Variants in LOX observed in about 807,000 individuals in gnomAD.
The protein encoded by LOX is protein-lysine 6-oxidase.
In LOX, 12 loss-of-function variants were observed where a neutral mutation model predicts 50.5. That is an observed-to-expected ratio of 0.24 (90% CI 0.15 to 0.38). LOX has a LOEUF of 0.38. LOX is among the 10% of genes least tolerant of loss of function. The probability of loss-of-function intolerance (pLI) is 1.00; values close to 1 mark genes in which losing one functional copy is unlikely to be tolerated. For synonymous variants in LOX, 254 were observed against 230.6 expected (o/e 1.10, Z -0.92); for missense variants, 504 against 563.8 (o/e 0.89, Z 1.07).
chr5:122,077,055 T>A lies in LOX; in HGVS notation c.632-54A>T. The A allele has an allele frequency of 6.2e-7, 1 of 1,600,936 alleles. No homozygotes were observed. Among genetic ancestry groups the A allele is most frequent in the South Asian group, 1.1e-5 (1 of 90,520 alleles). ...AGTGAAACAACCCGGCGCCCCCCGC[T>A]CCAACTCCCTACCCCTCTAGGTCCC... is the stretch of plus-strand genomic sequence containing the variant. On this transcript the variant is annotated intron_variant, in intron 1 of 6. Coordinates refer to ENST00000231004, the MANE Select transcript of LOX (RefSeq NM_002317.7). The surrounding 1 kb of genome is among the most constrained non-coding windows in gnomAD (Gnocchi z 4.9).
At position 122,066,472 on chromosome 5, in the gene LOX, A is replaced by G; in HGVS notation, c.*271T>C. 2.7e-6 allele frequency: 1 copy of G among 363,856 alleles called. No homozygotes were observed. Among genetic ancestry groups the G allele is most frequent in the South Asian group, 9.0e-5 (1 of 11,058 alleles). The allele number at this position is 363,856 out of a possible 1,614,324, so 22.5% of individuals were successfully genotyped here. A position where few individuals can be genotyped will look rare whatever the true frequency, so the allele number is the denominator to read the frequency against. On this transcript the variant is annotated 3_prime_UTR_variant, in exon 7 of 7. Transcript: ENST00000231004. ...ACATGAGAAATTTGGATTTCTTTGA[A>G]AGAGTCAAATATGTAATTACAGAAT...
At chr5:122,073,762 G>T (rs1311803047) in intron 4 of LOX, among the ~76,000 whole-genome samples, 1 of 152,116 alleles carries the variant, frequency 6.6e-6, no homozygotes, top group Non-Finnish European at 1.5e-5. Flanking sequence ...GCCATCATTT[G>T]CCTTTTCCCA....
rs1225842757 is a variant in LOX at position 122,075,552 on chromosome 5, G to GA, written c.741-12dup. On this transcript the variant is annotated splice_polypyrimidine_tract_variant and intron_variant, in intron 2 of 6. Coordinates refer to ENST00000231004, the MANE Select transcript of LOX (RefSeq NM_002317.7). ...GCCCTGTATGCTGTACTGTGATTTT[G>GA]AAAAAAGAAAAATTATTATATTCAT... 1 of 1,524,652 alleles carries GA rather than the reference G, an allele frequency of 6.6e-7. No homozygotes were observed. The highest frequency in any genetic ancestry group is 1.4e-5 in the African/African-American group (1 of 71,290). 94.4% of individuals were successfully genotyped at this position (1,524,652 alleles called of 1,614,324 possible).
intron 4 of LOX, among the ~76,000 whole-genome samples, chr5:122,072,979 CCT>C (rs1266018820): frequency 1.3e-5 from 2 of 152,188 alleles, no homozygotes; most frequent in Non-Finnish European, 1.5e-5. Context: ...AGTTACATCT[CCT>C]CTTTCTTAAG....
At chr5:122,067,975 G>A (rs1754343810) in intron 6 of LOX, among the ~76,000 whole-genome samples, 1 of 152,008 alleles carries the variant, frequency 6.6e-6, no homozygotes, top group Non-Finnish European at 1.5e-5. Flanking sequence ...TAAGAAGCAA[G>A]TATTACTATC....
rs955353287 is a variant in LOX, at chr5:122,064,344, G to A, written c.*2399C>T. 1.3e-4 allele frequency: 20 copies of A among 151,784 alleles called. No homozygotes were observed. The highest frequency in any genetic ancestry group is 4.8e-4 in the African/African-American group (20 of 41,378). 9.4% of individuals were successfully genotyped at this position (151,784 alleles called of 1,614,324 possible). On this transcript the variant is annotated 3_prime_UTR_variant, in exon 7 of 7. Transcript: ENST00000231004. ...TCAAAGAAGTTCAGTAATACAGAGT[G>A]TTAAATCAGTACTTGTGAGTTATTT...
chr5:122,076,676 T>A lies in LOX; in HGVS notation c.740+217A>T, dbSNP rs76853106. On this transcript the variant is annotated intron_variant, in intron 2 of 6. Transcript: ENST00000231004. ...AGGATAAGGGTTTCCTCCACCTCTG[T>A]GATTCCTGCTGCACTTTGAGACAGA... 5.0e-3 allele frequency among the ~76,000 whole-genome samples: 754 copies of A among 152,224 alleles called. 18 individuals are homozygous for A. Among genetic ancestry groups the A allele is most frequent in the East Asian group, 0.048 (249 of 5,176 alleles).
rs1754281312 is a variant in LOX, at chr5:122,065,747, G to GTTTTTCAATT, written c.*986_*995dup. On this transcript the variant is annotated 3_prime_UTR_variant, in exon 7 of 7. Transcript: ENST00000231004. Reference sequence around the variant, plus strand: ...TAGAAAACTTGAAAAATCCTAAAATGTTTTTCAATTTTTTTAAGCTATTTG... The same window carrying GTTTTTCAATT: ...TAGAAAACTTGAAAAATCCTAAAATGTTTTTCAATTTTTTTCAATTTTTTTAAGCTATTTG... 2 of 151,976 alleles carry GTTTTTCAATT rather than the reference G, an allele frequency of 1.3e-5. 1 individual carries two copies. The highest frequency in any genetic ancestry group is 2.9e-5 in the Non-Finnish European group (2 of 67,948). The allele number at this position is 151,976 out of a possible 1,614,324, so 9.4% of individuals were successfully genotyped here. A position where few individuals can be genotyped will look rare whatever the true frequency, so the allele number is the denominator to read the frequency against.
rs764097068 is a variant in LOX at position 122,075,591 on chromosome 5, A to G, written c.741-50T>C. 7.2e-6 allele frequency: 9 copies of G among 1,245,674 alleles called. No homozygotes were observed. In the African/African-American group the frequency reaches 9.0e-5, roughly 13 times the overall value. 77.2% of individuals were successfully genotyped at this position (1,245,674 alleles called of 1,614,324 possible). A position where few individuals can be genotyped will look rare whatever the true frequency, so the allele number is the denominator to read the frequency against. ...TATTATATTCATGGAATATTAACTA[A>G]AGACAAAACTACAAATAAAACATCC... is the stretch of plus-strand genomic sequence containing the variant. On this transcript the variant is annotated intron_variant, in intron 2 of 6. Coordinates refer to ENST00000231004, the MANE Select transcript of LOX (RefSeq NM_002317.7).
At chr5:122,074,252 T>C in intron 3 of LOX, 83 bp from the exon 4 acceptor site, 1 of 1,201,986 alleles carries the variant, frequency 8.3e-7, no homozygotes, top group Non-Finnish European at 1.2e-6. Context: ...CCCCCATGGC[T>C]TCACAAATTT....
At chr5:122,067,074 T>C (rs936155368) in intron 6 of LOX, among the ~76,000 whole-genome samples, 4 of 152,078 alleles carry the variant, frequency 2.6e-5, no homozygotes, top group African/African-American at 7.2e-5. Context: ...GGAACAAGGG[T>C]GGCATGTCCA....
chr5:122,077,808 G>A lies in LOX; in HGVS notation c.178C>T (p.Leu60=). The A allele has an allele frequency of 5.2e-6, 8 of 1,550,360 alleles. No homozygotes were observed. The highest frequency in any genetic ancestry group is 6.1e-6 in the Non-Finnish European group (7 of 1,153,000). ...CGCTGAGGCTGGTACTGTGAGCCCA[G>A]GCTCAGCAAGCTGAACACCTGCCCG... ...NNGQVFSLLS[L]GSQYQPQRRR... The change falls in exon 1 of 7, where the codon CTG becomes TTG. Residue 60 remains leucine (L), a synonymous_variant. Transcript: ENST00000231004. This position sits in a 1 kb window ranked among gnomAD's most constrained non-coding sequence, Gnocchi z 4.9.
rs1292090071 is a variant in LOX, at chr5:122,065,408, G to A, written c.*1335C>T. The A allele has an allele frequency of 1.3e-5, 2 of 152,078 alleles. No individual in the cohort carries two copies. The highest frequency in any genetic ancestry group is 2.9e-5 in the Non-Finnish European group (2 of 68,002). The allele number at this position is 152,078 out of a possible 1,614,324, so 9.4% of individuals were successfully genotyped here. ...GCTTAAGCACCACTAACTTAAAAGT[G>A]TAATTTCATTTTCTTGAATTTAGGT... On this transcript the variant is annotated 3_prime_UTR_variant, in exon 7 of 7. Coordinates refer to ENST00000231004, the MANE Select transcript of LOX (RefSeq NM_002317.7).
intron 6 of LOX, among the ~76,000 whole-genome samples, chr5:122,068,174 T>TAAAAAAAAAAAAAAAAAAAAAAAA (rs10650287): frequency 8.6e-6 from 1 of 115,908 alleles, no homozygotes; most frequent in South Asian, 3.0e-4. Context: ...TAATAACTAG[T>TAAAAAAAAAAAAAAAAAAAAAAAA]AAAAAAAAAA....
chr5:122,076,442 G>A (rs953328267), intron 2 of LOX, among the ~76,000 whole-genome samples: 1 of 152,138 alleles, frequency 6.6e-6, no homozygotes, highest in Non-Finnish European at 1.5e-5. Flanking sequence ...CAAGTTCATC[G>A]TGGTCTCAAA....
At position 122,077,716 on chromosome 5, in the gene LOX, C is replaced by G; in HGVS notation, c.270G>C (p.Pro90=). The G allele has an allele frequency of 6.3e-7, 1 of 1,587,646 alleles. No individual in the cohort carries two copies. Residue 90 remains proline (P), a synonymous_variant, in exon 1 of 7, where the codon CCG becomes CCC. Coordinates refer to ENST00000231004, the MANE Select transcript of LOX (RefSeq NM_002317.7). The surrounding 1 kb of genome is among the most constrained non-coding windows in gnomAD (Gnocchi z 4.9). ...ANASAQQPRT[P]ILLIRDNRTA... is the part of the protein sequence containing the mutation. ...TGCGGTTGTCGCGGATCAGCAGGAT[C>G]GGAGTGCGGGGCTGCTGGGCGGAGG...
In LOX at chr5:122,070,523, C is replaced by T. The variant is rs775459586; in HGVS notation, c.1102G>A (p.Asp368Asn). ...DIDCQWIDIT[D>N]VKPGNYILKV... ...AGGATATAGTTTCCAGGTTTTACATCTGTAATATCAATCCACTGGCAGTCT... is the reference window on the plus strand; with the variant it reads ...AGGATATAGTTTCCAGGTTTTACATTTGTAATATCAATCCACTGGCAGTCT... Residue 368 changes from aspartate to asparagine, a missense_variant, in exon 5 of 7, where the codon GAT becomes AAT. Around this residue, in one of 2 missense-constraint regions of LOX, gnomAD observed 106 missense variants for 198.1 expected, o/e 0.54. Transcript: ENST00000231004. 28 of 1,607,036 alleles carry T rather than the reference C, an allele frequency of 1.7e-5. No homozygotes were observed. The highest frequency in any genetic ancestry group is 2.7e-5 in the African/African-American group (2 of 74,698).
At chr5:122,072,780 T>C (rs1163143002) in intron 4 of LOX, among the ~76,000 whole-genome samples, 2 of 152,144 alleles carry the variant, frequency 1.3e-5, no homozygotes, top group Admixed American at 6.5e-5. Flanking sequence ...TGAAATGGGG[T>C]CACCCCAAAG....
In LOX at chr5:122,077,435, T is replaced by G. The variant is rs372900070; in HGVS notation, c.551A>C (p.Tyr184Ser). 6.2e-7 allele frequency: 1 copy of G among 1,614,060 alleles called. No homozygotes were observed. The part of the protein sequence containing the change: ...PYKYSDDNPY[Y>S]NYYDTYERPR... ...CCTTTCATAAGTATCGTAGTAGTTG[T>G]AATAAGGGTTGTCGTCAGAGTACTT... Residue 184 changes from tyrosine (Y) to serine (S), a missense_variant, in exon 1 of 7, where the codon TAC becomes TCC. By Grantham distance (144) the Tyr-to-Ser change is moderately radical. Around this residue, in one of 2 missense-constraint regions of LOX, gnomAD observed 398 missense variants for 365.8 expected, o/e 1.09. Transcript: ENST00000231004. The surrounding 1 kb of genome is among the most constrained non-coding windows in gnomAD (Gnocchi z 4.9).
Sources: gnomAD v4.1 joint callset for allele counts (sites outside exome capture counted in the v4.1 genomes callset) on GRCh38, gnomAD v4.1.1 for gene constraint, gnomAD v4.1.1 regional missense constraint, Gnocchi (gnomAD v3.1) non-coding constraint, MANE v1.5 for transcripts, NCBI Gene and HGNC (gene_info 2026-07-23, HGNC 2026-07-21) for gene names.